The following TBC1D19 variants were observed in gnomAD, a reference collection of about 807,000 sequenced individuals.
TBC1D19 encodes TBC1 domain family member 19, also known as TBC1 domain family, member 19.
Under a neutral mutation model 89.0 loss-of-function variants are expected in TBC1D19, and 60 were observed. The observed-to-expected ratio is 0.67, with a 90% confidence interval of 0.55 to 0.84. The LOEUF (loss-of-function observed/expected upper bound fraction) is 0.84. Among genes scored for constraint, TBC1D19 ranks in the 40% least tolerant of loss-of-function variants. The pLI, the probability that TBC1D19 is intolerant of heterozygous loss-of-function variation, is 0.00. For synonymous variants in TBC1D19, 189 were observed against 199.7 expected (o/e 0.95, Z 0.45); for missense variants, 500 against 610.8 (o/e 0.82, Z 1.91).
rs868620473 is a variant in TBC1D19, at chr4:26,668,142, C to T, written c.664+1737C>T. On this transcript the variant is annotated intron_variant, in intron 9 of 20. Transcript: ENST00000264866. ...CTCCTGCCACCTTTGACAGCTTTTT[C>T]TTATTTTATAAGAAGATATAAAATA... is the stretch of plus-strand genomic sequence containing the variant. Among the ~76,000 whole-genome samples the T allele has an allele frequency of 1.9e-4, 29 of 151,642 alleles. 1 individual carries two copies. The highest frequency in any genetic ancestry group is 6.3e-4 in the African/African-American group (26 of 41,416).
chr4:26,619,339 G>A (rs1741888210), intron 3 of TBC1D19, among the ~76,000 whole-genome samples: 1 of 151,872 alleles, frequency 6.6e-6, no homozygotes, highest in African/African-American at 2.4e-5. Context: ...CCAGTAGCTG[G>A]GACTATAGGC....
chr4:26,599,063 T>C (rs1246516310), intron 1 of TBC1D19, among the ~76,000 whole-genome samples: 2 of 152,030 alleles, frequency 1.3e-5, no homozygotes, highest in African/African-American at 4.8e-5. Flanking sequence ...ATCTATATTA[T>C]ATATATGTAT....
the TBC1D19 span, among the ~76,000 whole-genome samples, chr4:26,840,548 T>C: frequency 1.3e-5 from 2 of 152,160 alleles, no homozygotes. Context: ...CCCATTTTTC[T>C]GCTGTTCCCC....
intron 7 of TBC1D19, among the ~76,000 whole-genome samples, chr4:26,652,266 T>A (rs1744447077): frequency 6.6e-6 from 1 of 152,208 alleles, no homozygotes; most frequent in Non-Finnish European, 1.5e-5. Flanking sequence ...TTCTAATGAT[T>A]GGAATAGTTT....
chr4:26,638,426 C>A (rs909736355), intron 5 of TBC1D19, among the ~76,000 whole-genome samples: 1 of 148,326 alleles, frequency 6.7e-6, no homozygotes, highest in African/African-American at 2.6e-5. Context: ...CTTGGCCAGT[C>A]CCCCTTGTGA....
chr4:26,654,901 T>C (rs150884124), intron 7 of TBC1D19, among the ~76,000 whole-genome samples: 7,331 of 152,304 alleles, frequency 0.048, 250 homozygotes, highest in Non-Finnish European at 0.066. Context: ...ATCCAGCTTT[T>C]TTCCATTGCT....
chr4:26,706,494 T>C (rs1050972407), intron 13 of TBC1D19, among the ~76,000 whole-genome samples: 1 of 152,110 alleles, frequency 6.6e-6, no homozygotes, highest in African/African-American at 2.4e-5. Context: ...GTTTCAGTTA[T>C]TATCTCTATT....
At chr4:26,600,935 A>G (rs1740547091) in intron 1 of TBC1D19, among the ~76,000 whole-genome samples, 1 of 152,234 alleles carries the variant, frequency 6.6e-6, no homozygotes, top group African/African-American at 2.4e-5. Flanking sequence ...AAATAAAGAT[A>G]GTAGTAATTC....
chr4:26,746,843 G>A (rs562838243), intron 18 of TBC1D19, among the ~76,000 whole-genome samples: 41 of 151,680 alleles, frequency 2.7e-4, no homozygotes, highest in Admixed American at 7.9e-4. Flanking sequence ...CCATTATTAA[G>A]TTAAAAAAAA....
In TBC1D19 at chr4:26,628,206, G is replaced by A. The variant is rs183341939; in HGVS notation, c.294+7518G>A. Among the ~76,000 whole-genome samples, 49 of 152,178 alleles carry A rather than the reference G, an allele frequency of 3.2e-4. No individual in the cohort carries two copies. In the East Asian group the frequency reaches 6.9e-3, roughly 22 times the overall value. On this transcript the variant is annotated intron_variant, in intron 4 of 20. Transcript: ENST00000264866. Reference sequence around the variant, plus strand: ...AAGATCAGATAGTTGTAGATATGTGGCATTATTTCTGAGGGCCCTGTTCTG... The same window carrying A: ...AAGATCAGATAGTTGTAGATATGTGACATTATTTCTGAGGGCCCTGTTCTG...
chr4:26,680,070 T>A (rs867032870), intron 11 of TBC1D19, among the ~76,000 whole-genome samples: 3 of 152,058 alleles, frequency 2.0e-5, no homozygotes, highest in African/African-American at 7.2e-5. Context: ...ATAAGGGGCT[T>A]CCCCCTTTGC....
chr4:26,625,262 C>A (rs572589228), intron 4 of TBC1D19, among the ~76,000 whole-genome samples: 27 of 152,172 alleles, frequency 1.8e-4, no homozygotes, highest in Middle Eastern at 3.4e-3. Context: ...AAATACTAAC[C>A]TTGAGAGATG....
intron 1 of TBC1D19, among the ~76,000 whole-genome samples, chr4:26,606,405 C>T (rs1183019474): frequency 6.6e-6 from 1 of 152,158 alleles, no homozygotes; most frequent in Non-Finnish European, 1.5e-5. Flanking sequence ...CAATAGCTAT[C>T]TTCAAATAGG....
At chr4:26,671,548 A>G (rs540376506) in intron 9 of TBC1D19, among the ~76,000 whole-genome samples, 7 of 151,926 alleles carry the variant, frequency 4.6e-5, no homozygotes, top group African/African-American at 1.4e-4. Flanking sequence ...AATATAGTCT[A>G]GTTCATGAAT....
the TBC1D19 span, among the ~76,000 whole-genome samples, chr4:26,781,300 AG>A: frequency 2.6e-5 from 4 of 152,146 alleles, no homozygotes; most frequent in Non-Finnish European, 4.4e-5. Flanking sequence ...TCTAGAGGTA[AG>A]GGGGGCTGGG....
chr4:26,742,621 T>C (rs370812182), intron 18 of TBC1D19, 22 bp downstream of exon 18: 1 of 1,589,882 alleles, frequency 6.3e-7, no homozygotes, highest in Non-Finnish European at 8.6e-7. Context: ...TCTCTCCTAA[T>C]TGAAGAATAG....
the TBC1D19 span, among the ~76,000 whole-genome samples, chr4:26,803,160 TG>T: frequency 2.6e-4 from 39 of 152,178 alleles, no homozygotes; most frequent in Admixed American, 1.5e-3. Context: ...GCAGATTTCC[TG>T]GGTGCCAAGG....
the TBC1D19 span, among the ~76,000 whole-genome samples, chr4:26,768,046 G>T: frequency 3.3e-5 from 5 of 152,248 alleles, no homozygotes; most frequent in African/African-American, 1.2e-4. Context: ...GGAGAGAGAT[G>T]CACAGAGAGG....
rs1560503067 is a variant in TBC1D19, at chr4:26,733,801, C to G, written c.1085-1654C>G. ...AAATGTAATAGGGATAAAAATATAA[C>G]CCTTTCGTGAAGTCCGGGAACAACT... On this transcript the variant is annotated intron_variant, in intron 15 of 20. Transcript: ENST00000264866. Among the ~76,000 whole-genome samples, 6 of 152,156 alleles carry G rather than the reference C, an allele frequency of 3.9e-5. No homozygotes were observed. The South Asian group carries it at 1.2e-3, about 31-fold the overall frequency.
Sources: allele counts gnomAD v4.1 joint callset (sites outside exome capture counted in the v4.1 genomes callset), GRCh38; gene constraint gnomAD v4.1.1; transcripts MANE v1.5; gene names NCBI Gene and HGNC (gene_info 2026-07-23, HGNC 2026-07-21).